Variants in FAM227B observed in about 807,000 individuals in gnomAD.
FAM227B encodes family with sequence similarity 227 member B, also known as protein FAM227B.
A neutral mutation model predicts 73.8 loss-of-function variants in FAM227B; 88 were observed. The observed-to-expected ratio is 1.19, with a 90% CI of 1.00 to 1.42. The LOEUF (loss-of-function observed/expected upper bound fraction) is 1.42, where lower values mean the gene tolerates loss of function less well. Among genes scored for constraint, FAM227B ranks in the 40% most tolerant of loss-of-function variants. The probability of loss-of-function intolerance (pLI) is 0.00; values close to 1 mark genes in which losing one functional copy is unlikely to be tolerated. For missense variants in FAM227B, 632 were observed against 590.9 expected (o/e 1.07, Z -0.72); for synonymous variants, 210 against 190.5 (o/e 1.10, Z -0.84).
chr15:49,429,088 G>C (rs1002170103), intron 11 of FAM227B, among the ~76,000 whole-genome samples: 1 of 151,966 alleles, frequency 6.6e-6, no homozygotes, highest in African/African-American at 2.4e-5. Context: ...ATTCTAAACA[G>C]TTCTTAGCAA....
intron 11 of FAM227B, among the ~76,000 whole-genome samples, chr15:49,499,979 A>G (rs2058006723): frequency 6.6e-6 from 1 of 152,232 alleles, no homozygotes; most frequent in Admixed American, 6.5e-5. Context: ...CACAAACTAT[A>G]TTAAAAAATT....
intron 11 of FAM227B, 36 bp from the exon 12 acceptor site, chr15:49,371,435 G>A: frequency 7.5e-7 from 1 of 1,326,364 alleles, no homozygotes; most frequent in Non-Finnish European, 1.1e-6. Context: ...TAAAATTCTG[G>A]TATTTTTTTC....
intron 11 of FAM227B, among the ~76,000 whole-genome samples, chr15:49,472,346 A>C (rs2151970645): frequency 6.6e-6 from 1 of 152,308 alleles, no homozygotes; most frequent in South Asian, 2.1e-4. Flanking sequence ...CCAAGGTAGA[A>C]TCCAAATTCC....
At chr15:49,554,348 G>A (rs1374737596) in intron 9 of FAM227B, among the ~76,000 whole-genome samples, 1 of 152,124 alleles carries the variant, frequency 6.6e-6, no homozygotes, top group Non-Finnish European at 1.5e-5. Context: ...CATTGTCTCT[G>A]GACCTCGTTC....
At chr15:49,439,437 G>A (rs1013044874) in intron 11 of FAM227B, among the ~76,000 whole-genome samples, 4 of 151,732 alleles carry the variant, frequency 2.6e-5, no homozygotes, top group African/African-American at 4.8e-5. Context: ...CGTGGGGGGA[G>A]GGAACTACCC....
intron 10 of FAM227B, among the ~76,000 whole-genome samples, chr15:49,511,852 T>C (rs7177247): frequency 0.32 from 49,389 of 152,008 alleles, 8,765 homozygotes; most frequent in African/African-American, 0.45. Flanking sequence ...TCCAGCCTAT[T>C]ACTGATGGGC....
chr15:49,363,857 C>G (rs545207202), intron 13 of FAM227B, among the ~76,000 whole-genome samples: 1 of 152,234 alleles, frequency 6.6e-6, no homozygotes, highest in Non-Finnish European at 1.5e-5. Context: ...GCCTATTCTG[C>G]ATGTATTGAG....
intron 15 of FAM227B, 198 bp from the exon 16 acceptor site, chr15:49,328,873 C>A: frequency 2.3e-6 from 3 of 1,331,232 alleles, no homozygotes; most frequent in Non-Finnish European, 2.9e-6. Context: ...ACTTTCAATT[C>A]TTTTGGCCCT....
At chr15:49,583,011 G>A (rs988666784) in intron 5 of FAM227B, among the ~76,000 whole-genome samples, 10 of 151,952 alleles carry the variant, frequency 6.6e-5, no homozygotes, top group East Asian at 1.9e-4. Flanking sequence ...ACTAAATGCC[G>A]ACATCAAAAA....
At chr15:49,619,895 C>G (rs1378787686) in intron 1 of FAM227B, among the ~76,000 whole-genome samples, 6 of 152,160 alleles carry the variant, frequency 3.9e-5, no homozygotes. Context: ...CAAACAAGCC[C>G]TAGTGCACAC....
intron 3 of FAM227B, among the ~76,000 whole-genome samples, chr15:49,593,520 G>C (rs2076707928): frequency 6.6e-6 from 1 of 151,994 alleles, no homozygotes; most frequent in South Asian, 2.1e-4. Context: ...GGTGATTTCT[G>C]AGATTTTGGT....
At chr15:49,348,416 T>C (rs2041826697) in intron 13 of FAM227B, among the ~76,000 whole-genome samples, 1 of 152,194 alleles carries the variant, frequency 6.6e-6, no homozygotes, top group South Asian at 2.1e-4. Flanking sequence ...ACTTTGAAAT[T>C]TGATATATCA....
intron 8 of FAM227B, among the ~76,000 whole-genome samples, chr15:49,572,401 GCAC>G (rs1418540451): frequency 1.3e-5 from 2 of 151,722 alleles, no homozygotes; most frequent in African/African-American, 4.8e-5. Context: ...TTCCCTCTTT[GCAC>G]TGCTTGTGCT....
At chr15:49,376,646 CAGGT>C (rs1047509230) in intron 11 of FAM227B, among the ~76,000 whole-genome samples, 3 of 152,060 alleles carry the variant, frequency 2.0e-5, no homozygotes, top group African/African-American at 7.2e-5. Context: ...ATTCTCAAAA[CAGGT>C]AGCTAGAATT....
intron 10 of FAM227B, among the ~76,000 whole-genome samples, chr15:49,516,312 A>G (rs1312994321): frequency 6.6e-6 from 1 of 152,048 alleles, no homozygotes; most frequent in East Asian, 1.9e-4. Context: ...TTATCCGCAC[A>G]CTAACCTATG....
chr15:49,467,436 G>T (rs2054367639), intron 11 of FAM227B, among the ~76,000 whole-genome samples: 1 of 151,956 alleles, frequency 6.6e-6, no homozygotes, highest in African/African-American at 2.4e-5. Flanking sequence ...TGGTACATTT[G>T]TATTTTGAAA....
intron 11 of FAM227B, among the ~76,000 whole-genome samples, chr15:49,423,780 T>C (rs138688276): frequency 4.6e-5 from 7 of 152,268 alleles, no homozygotes; most frequent in Admixed American, 2.0e-4. Flanking sequence ...AGTATGGTTC[T>C]CACAAAATAG....
intron 11 of FAM227B, among the ~76,000 whole-genome samples, chr15:49,454,519 T>C (rs2053083865): frequency 6.6e-6 from 1 of 152,192 alleles, no homozygotes; most frequent in African/African-American, 2.4e-5. Flanking sequence ...TGAGAAAACA[T>C]TGGTTCCACT....
At chr15:49,528,711 A>G (rs1374774862) in intron 10 of FAM227B, among the ~76,000 whole-genome samples, 1 of 151,970 alleles carries the variant, frequency 6.6e-6, no homozygotes, top group East Asian at 1.9e-4. Flanking sequence ...AAAGCAACCA[A>G]CAAACATAAG....
Sources: allele counts gnomAD v4.1 joint callset (sites outside exome capture counted in the v4.1 genomes callset), GRCh38; gene constraint gnomAD v4.1.1; transcripts MANE v1.5; gene names NCBI Gene and HGNC (gene_info 2026-07-23, HGNC 2026-07-21).